SYT1: variants seen among roughly 807,000 people sequenced by gnomAD.
SYT1 encodes synaptotagmin-1.
SYT1 carries 8 observed loss-of-function variants against 44.8 expected under a neutral mutation model. That is an observed-to-expected ratio of 0.18 (90% CI 0.10 to 0.32). SYT1 has a LOEUF of 0.32. SYT1 is among the 10% of genes least tolerant of loss of function. SYT1 has a pLI of 1.00. For synonymous variants in SYT1, 154 were observed against 188.8 expected, an observed-to-expected ratio of 0.82 and a Z score of 1.51; for missense variants, 286 against 509.3, an observed-to-expected ratio of 0.56 and a Z score of 4.22.
chr12:79,329,184 G>A (rs1459963759), intron 8 of SYT1, among the ~76,000 whole-genome samples: 1 of 152,154 alleles, frequency 6.6e-6, no homozygotes, highest in East Asian at 1.9e-4. Flanking sequence ...GACCCACTGG[G>A]TGAGGAGGCC....
rs971754152 is a variant in SYT1, at chr12:79,154,757, C to G, written c.-17-62746C>G. 2.6e-5 allele frequency among the ~76,000 whole-genome samples: 4 copies of G among 152,020 alleles called. No individual in the cohort carries two copies. In the South Asian group the frequency reaches 8.3e-4, roughly 32 times the overall value. On this transcript the variant is annotated intron_variant, in intron 3 of 10. Coordinates refer to ENST00000261205, the MANE Select transcript of SYT1 (RefSeq NM_005639.3). ...AGGACATATTGCTTCATAGTTTCAC[C>G]TGGAATGTGTGAAGATAAGTTTAGA...
chr12:79,086,689 A>G (rs1454107738), intron 3 of SYT1, among the ~76,000 whole-genome samples: 1 of 152,182 alleles, frequency 6.6e-6, no homozygotes, highest in African/African-American at 2.4e-5. Flanking sequence ...TAGCCACTGA[A>G]GCAGAAAAAT....
intron 3 of SYT1, among the ~76,000 whole-genome samples, chr12:79,213,303 C>CA (rs926697029): frequency 6.6e-6 from 1 of 152,052 alleles, no homozygotes; most frequent in African/African-American, 2.4e-5. Context: ...AAAACTCCTC[C>CA]AAAAAACAGG....
intron 8 of SYT1, among the ~76,000 whole-genome samples, chr12:79,334,512 C>T (rs555007385): frequency 7.5e-4 from 114 of 151,928 alleles, no homozygotes; most frequent in Non-Finnish European, 1.5e-3. Context: ...AAGTAGGAGA[C>T]CAGTAGGAAA....
At chr12:79,215,818 A>C (rs190104283) in intron 3 of SYT1, among the ~76,000 whole-genome samples, 3 of 152,014 alleles carry the variant, frequency 2.0e-5, no homozygotes, top group African/African-American at 7.2e-5. Flanking sequence ...TTAAGATTTT[A>C]ATAAGAATCT....
intron 9 of SYT1, among the ~76,000 whole-genome samples, chr12:79,387,006 T>C (rs1884461982): frequency 6.6e-6 from 1 of 152,204 alleles, no homozygotes; most frequent in South Asian, 2.1e-4. Flanking sequence ...CATAGAGATG[T>C]CCGCCTGTCA....
intron 1 of SYT1, among the ~76,000 whole-genome samples, chr12:78,914,281 G>A (rs1876516572): frequency 6.6e-6 from 1 of 151,762 alleles, no homozygotes; most frequent in Non-Finnish European, 1.5e-5. Context: ...TCTGTGAGTG[G>A]GAAAAAGATG....
intron 8 of SYT1, among the ~76,000 whole-genome samples, chr12:79,345,566 C>A (rs1882572332): frequency 6.6e-6 from 1 of 152,184 alleles, no homozygotes; most frequent in Non-Finnish European, 1.5e-5. Flanking sequence ...TTCACCTGAA[C>A]AATTTACTAT....
chr12:78,878,189 A>G (rs1171884538), intron 1 of SYT1, among the ~76,000 whole-genome samples: 6 of 151,616 alleles, frequency 4.0e-5, no homozygotes, highest in African/African-American at 4.8e-5. Context: ...GGAAGAGGAT[A>G]CACGAAAGGA....
chr12:79,414,333 CA>C (rs1359343145), intron 9 of SYT1, among the ~76,000 whole-genome samples: 4 of 152,022 alleles, frequency 2.6e-5, no homozygotes, highest in Non-Finnish European at 4.4e-5. Context: ...GAAGTGGCAG[CA>C]GATGAGGATT....
chr12:79,369,980 C>T (rs1013514851), intron 9 of SYT1, among the ~76,000 whole-genome samples: 5 of 152,092 alleles, frequency 3.3e-5, no homozygotes, highest in African/African-American at 1.2e-4. Flanking sequence ...TTTCTGTGTG[C>T]TATTAATATG....
At chr12:79,379,895 G>T (rs1026566713) in intron 9 of SYT1, among the ~76,000 whole-genome samples, 2 of 152,102 alleles carry the variant, frequency 1.3e-5, no homozygotes, top group African/African-American at 4.8e-5. Context: ...TTGAAAAGAT[G>T]AGGAAACAAG....
At chr12:79,069,121 G>T (rs924541459) in intron 3 of SYT1, among the ~76,000 whole-genome samples, 1 of 152,120 alleles carries the variant, frequency 6.6e-6, no homozygotes, top group Non-Finnish European at 1.5e-5. Context: ...TGGGTAAATT[G>T]TTGTAGTGAA....
intron 2 of SYT1, among the ~76,000 whole-genome samples, chr12:78,996,977 G>A (rs1006468999): frequency 2.2e-4 from 34 of 152,174 alleles, no homozygotes; most frequent in African/African-American, 8.0e-4. Context: ...GCTATCTACA[G>A]AACCCAAGGA....
chr12:79,030,435 T>C (rs550154788), intron 2 of SYT1, among the ~76,000 whole-genome samples: 1 of 151,202 alleles, frequency 6.6e-6, no homozygotes, highest in Non-Finnish European at 1.5e-5. Flanking sequence ...TGAAACACTT[T>C]TCTCTATCAA....
chr12:79,353,840 G>T (rs1247172788), intron 9 of SYT1, among the ~76,000 whole-genome samples: 3 of 152,130 alleles, frequency 2.0e-5, no homozygotes, highest in Non-Finnish European at 2.9e-5. Flanking sequence ...TTCCTTCTTT[G>T]GAGCCAAAGT....
intron 3 of SYT1, among the ~76,000 whole-genome samples, chr12:79,056,963 T>A (rs1874993320): frequency 6.6e-6 from 1 of 152,030 alleles, no homozygotes; most frequent in Non-Finnish European, 1.5e-5. Flanking sequence ...TAAAAATCCC[T>A]TTACAGTCTG....
chr12:78,981,301 A>T lies in SYT1; in HGVS notation c.-84+3370A>T, dbSNP rs571467257. The stretch of plus-strand genomic sequence containing the variant: ...AGCCACCACACCCAGCTAATTTTGT[A>T]CTTTTAGTAGAGATGGGGTTTCTCC... On this transcript the variant is annotated intron_variant, in intron 2 of 10. Transcript: ENST00000261205. 9.3e-5 allele frequency among the ~76,000 whole-genome samples: 14 copies of T among 151,298 alleles called. No homozygotes were observed. In the East Asian group the frequency reaches 2.5e-3, roughly 27 times the overall value.
intron 2 of SYT1, among the ~76,000 whole-genome samples, chr12:78,981,772 T>G (rs1201607820): frequency 6.6e-6 from 1 of 152,214 alleles, no homozygotes; most frequent in Admixed American, 6.5e-5. Context: ...ATACCTACTA[T>G]GTAGTCAGCA....
Sources: gnomAD v4.1 joint callset for allele counts (sites outside exome capture counted in the v4.1 genomes callset) on GRCh38, gnomAD v4.1.1 for gene constraint, MANE v1.5 for transcripts, NCBI Gene and HGNC (gene_info 2026-07-23, HGNC 2026-07-21) for gene names.